ETAA1: variants seen among roughly 807,000 people sequenced by gnomAD.
The protein encoded by ETAA1 is ETAA1 activator of ATR kinase.
A neutral mutation model predicts 76.8 loss-of-function variants in ETAA1; 49 were observed. The ratio of observed to expected loss-of-function variants is 0.64; its 90% CI spans 0.51 to 0.81. The LOEUF (loss-of-function observed/expected upper bound fraction) is 0.81. Among genes scored for constraint, ETAA1 ranks in the 30% least tolerant of loss-of-function variants. ETAA1 has a pLI of 0.00. For missense variants in ETAA1, 1,099 were observed against 1,074.0 expected, an observed-to-expected ratio of 1.02 and a Z score of -0.32; for synonymous variants, 373 against 372.2, an observed-to-expected ratio of 1.00 and a Z score of -0.03.
In ETAA1 at chr2:67,405,158, A is replaced by T. The variant is rs1229805043; in HGVS notation, c.2476A>T (p.Met826Leu). ...VGFSKFTFTR[M>L]KNSQILSQFN... ...ATTTTCAAAGTTTACATTTACAAGGATGAAAAATTCTCAGATTCTTTCTCA... is the reference window on the plus strand; with the variant it reads ...ATTTTCAAAGTTTACATTTACAAGGTTGAAAAATTCTCAGATTCTTTCTCA... Residue 826 changes from methionine to leucine, a missense_variant, in exon 5 of 6, where the codon ATG becomes TTG. Physicochemically the swap from Met to Leu is conservative, Grantham distance 15. Transcript: ENST00000272342. The T allele has an allele frequency of 1.2e-6, 2 of 1,612,400 alleles. No individual in the cohort carries two copies. The highest frequency in any genetic ancestry group is 2.2e-5 in the South Asian group (2 of 90,952).
chr2:67,409,981 G>T lies in ETAA1; in HGVS notation c.2724G>T (p.Arg908=). The T allele has an allele frequency of 6.2e-7, 1 of 1,610,130 alleles. No homozygotes were observed. The highest frequency in any genetic ancestry group is 1.1e-5 in the South Asian group (1 of 90,274). ...GAAAAAGACAAGAAGCACTGGTTCG[G>T]AGAATGGCTAAAGCACGAGCCTCAT... ...IQRKRQEALV[R]RMAKARASSV... The change falls in exon 6 of 6, where the codon CGG becomes CGT. Residue 908 remains arginine, a synonymous_variant. Coordinates refer to ENST00000272342, the MANE Select transcript of ETAA1 (RefSeq NM_019002.4).
chr2:67,405,957 TACA>T (rs560053995), intron 5 of ETAA1, among the ~76,000 whole-genome samples: 5 of 152,220 alleles, frequency 3.3e-5, no homozygotes, highest in South Asian at 2.1e-4. Flanking sequence ...TTTTTCTTTC[TACA>T]ACAAGTTAAC....
rs1490086228 is a variant in ETAA1, at chr2:67,405,366, G to A, written c.2653+31G>A. Reference sequence around the variant, plus strand: ...TATGAAATATGAAATAGTTTTCTTTGAAAAGCATCTTAAAAAGTAGTAAAA... The same window carrying A: ...TATGAAATATGAAATAGTTTTCTTTAAAAAGCATCTTAAAAAGTAGTAAAA... On this transcript the variant is annotated intron_variant, in intron 5 of 5. Coordinates refer to ENST00000272342, the MANE Select transcript of ETAA1 (RefSeq NM_019002.4). 2.1e-6 allele frequency: 3 copies of A among 1,457,584 alleles called. No homozygotes were observed. In the South Asian group the frequency reaches 4.6e-5, roughly 22 times the overall value. The allele number at this position is 1,457,584 out of a possible 1,614,324, so 90.3% of individuals were successfully genotyped here.
chr2:67,398,138 A>G (rs1262829305), intron 1 of ETAA1, among the ~76,000 whole-genome samples: 2 of 152,128 alleles, frequency 1.3e-5, no homozygotes, highest in East Asian at 3.9e-4. Context: ...CCTCATTGTG[A>G]ATAAACCGGA....
chr2:67,401,725 ATAAT>A (rs1676062524), intron 3 of ETAA1: 1 of 151,958 alleles, frequency 6.6e-6, no homozygotes, highest in South Asian at 2.1e-4. Flanking sequence ...GGCAGAGTTC[ATAAT>A]TAAGACTATG....
Position 67,403,924 on chromosome 2 carries a change from G to A in ETAA1, c.1242G>A (p.Lys414=), listed in dbSNP as rs1676127874. The A allele has an allele frequency of 6.2e-7, 1 of 1,611,678 alleles. No homozygotes were observed. Among genetic ancestry groups the A allele is most frequent in the Admixed American group, 1.7e-5 (1 of 59,610 alleles). ...PSKTAHVTDQ[K]EICTFNSKTV... is the part of the protein sequence containing the mutation. ...AAACAGCCCATGTTACTGATCAAAA[G>A]GAAATTTGTACCTTTAATAGTAAAA... The change falls in exon 5 of 6, where the codon AAG becomes AAA. Residue 414 remains lysine (K), a synonymous_variant. Coordinates refer to ENST00000272342, the MANE Select transcript of ETAA1 (RefSeq NM_019002.4).
At chr2:67,409,800 T>G in intron 5 of ETAA1, 111 bp from the exon 6 acceptor site, 1 of 929,998 alleles carries the variant, frequency 1.1e-6, no homozygotes, top group Non-Finnish European at 1.6e-6. Flanking sequence ...TTTGATTTAA[T>G]AGCCAACTAA....
In ETAA1 at chr2:67,404,532, T is replaced by C; in HGVS notation, c.1850T>C (p.Ile617Thr). The change falls in exon 5 of 6, where the codon ATT (isoleucine) becomes ACT (threonine). Residue 617 changes from isoleucine (I) to threonine (T), a missense_variant. Physicochemically the swap from Ile to Thr is moderately conservative, Grantham distance 89. Transcript: ENST00000272342. ...DDLLYQACDD[I>T]ERLTQQQDIR... is the part of the protein sequence containing the mutation. ...TTGTTGTACCAAGCATGTGATGATA[T>C]TGAAAGACTAACTCAGCAACAAGAC... The C allele has an allele frequency of 2.5e-6, 4 of 1,613,390 alleles. No individual in the cohort carries two copies. The highest frequency in any genetic ancestry group is 1.1e-5 in the South Asian group (1 of 91,066).
At chr2:67,399,047 T>C in intron 1 of ETAA1, 122 bp from the exon 2 acceptor site, 2 of 893,384 alleles carry the variant, frequency 2.2e-6, no homozygotes, top group South Asian at 1.9e-5. Flanking sequence ...GGTAATTATC[T>C]CTGGGAAAAA....
At position 67,403,393 on chromosome 2, in the gene ETAA1, G is replaced by A. The variant is rs1342811693; in HGVS notation, c.711G>A (p.Met237Ile). 3 of 1,605,678 alleles carry A rather than the reference G, an allele frequency of 1.9e-6. No homozygotes were observed. Among genetic ancestry groups the A allele is most frequent in the Non-Finnish European group, 1.7e-6 (2 of 1,173,062 alleles). The change falls in exon 5 of 6, where the codon ATG becomes ATA. Residue 237 changes from methionine (M) to isoleucine (I), a missense_variant. Coordinates refer to ENST00000272342, the MANE Select transcript of ETAA1 (RefSeq NM_019002.4). Reference sequence around the variant, plus strand: ...GTAATTATAAAGATAATATACAGATGTGGTCATTACATAATATAGTTCCCG... The same window carrying A: ...GTAATTATAAAGATAATATACAGATATGGTCATTACATAATATAGTTCCCG... ...ILSNYKDNIQMWSLHNIVPEI... is the reference protein window; with the variant it reads ...ILSNYKDNIQIWSLHNIVPEI...
rs1572913073 is a variant in ETAA1, at chr2:67,410,822, G to C, written c.*784G>C. ...GCAAGTTAATGCTGTGCTACAATTA[G>C]AATGATTTATTTGGACACCTAAACA... is the stretch of plus-strand genomic sequence containing the variant. On this transcript the variant is annotated 3_prime_UTR_variant, in exon 6 of 6. Transcript: ENST00000272342. 1 of 152,018 alleles carries C rather than the reference G, an allele frequency of 6.6e-6. No homozygotes were observed. Among genetic ancestry groups the C allele is most frequent in the East Asian group, 1.9e-4 (1 of 5,184 alleles). 9.4% of individuals were successfully genotyped at this position (152,018 alleles called of 1,614,324 possible). A position where few individuals can be genotyped will look rare whatever the true frequency, so the allele number is the denominator to read the frequency against.
chr2:67,410,000 G>A lies in ETAA1; in HGVS notation c.2743G>A (p.Ala915Thr). 1 of 1,609,176 alleles carries A rather than the reference G, an allele frequency of 6.2e-7. No homozygotes were observed. The highest frequency in any genetic ancestry group is 8.5e-7 in the Non-Finnish European group (1 of 1,178,126). The change falls in exon 6 of 6, where the codon GCC becomes ACC. Residue 915 changes from alanine (A) to threonine (T), a missense_variant. Physicochemically the swap from Ala to Thr is moderately conservative, Grantham distance 58. Around this residue, in one of 3 missense-constraint regions of ETAA1, gnomAD observed 302 missense variants for 278.1 expected, o/e 1.09. Coordinates refer to ENST00000272342, the MANE Select transcript of ETAA1 (RefSeq NM_019002.4). ...ALVRRMAKAR[A>T]SSVNAAPTSF... ...GGTTCGGAGAATGGCTAAAGCACGA[G>A]CCTCATCTGTAAATGCAGCTCCCAC...
At chr2:67,398,390 C>T (rs904718852) in intron 1 of ETAA1, among the ~76,000 whole-genome samples, 4 of 147,256 alleles carry the variant, frequency 2.7e-5, no homozygotes, top group Non-Finnish European at 5.9e-5. Context: ...GGCTGCAGTG[C>T]AGTAGCACAA....
intron 1 of ETAA1, among the ~76,000 whole-genome samples, chr2:67,398,635 C>T (rs1414294814): frequency 6.6e-6 from 1 of 152,122 alleles, no homozygotes; most frequent in East Asian, 1.9e-4. Context: ...GGCCACCTTA[C>T]ATGTCTTTAA....
At chr2:67,400,881 T>C (rs965133837) in intron 3 of ETAA1, 3 of 152,200 alleles carry the variant, frequency 2.0e-5, no homozygotes, top group Admixed American at 2.0e-4. Context: ...CTGTTGCTAC[T>C]AGCTCTACAT....
rs1470978925 is a variant in ETAA1, at chr2:67,403,721, G to A, written c.1039G>A (p.Val347Ile). The A allele has an allele frequency of 1.2e-6, 2 of 1,613,396 alleles. No homozygotes were observed. The highest frequency in any genetic ancestry group is 4.5e-5 in the East Asian group (2 of 44,860). Reference sequence around the variant, plus strand: ...AACCCCACGATCACTTTCTTCTCAAGTAGATACACCCATAATGACAAAATC... The same window carrying A: ...AACCCCACGATCACTTTCTTCTCAAATAGATACACCCATAATGACAAAATC... ...NKTPRSLSSQ[V>I]DTPIMTKSCV... The change falls in exon 5 of 6, where the codon GTA (valine) becomes ATA (isoleucine). Residue 347 changes from valine to isoleucine, a missense_variant. Coordinates refer to ENST00000272342, the MANE Select transcript of ETAA1 (RefSeq NM_019002.4).
intron 1 of ETAA1, among the ~76,000 whole-genome samples, chr2:67,397,904 A>T (rs1198741028): frequency 1.3e-5 from 2 of 152,174 alleles, no homozygotes; most frequent in Non-Finnish European, 2.9e-5. Flanking sequence ...CCACAGGAAT[A>T]GGTAATGTGG....
In ETAA1 at chr2:67,405,280, T is replaced by C; in HGVS notation, c.2598T>C (p.Ala866=). ...GTGTCAACCCATTACTGGAGGAAGC[T>C]GTTGGACAGCAATCTTTGGTGAAAC... The part of the protein sequence containing the change: ...KKGVNPLLEE[A]VGQQSLVKLS... The change falls in exon 5 of 6, where the codon GCT becomes GCC. Residue 866 remains alanine, a synonymous_variant. Transcript: ENST00000272342. 1 of 1,580,544 alleles carries C rather than the reference T, an allele frequency of 6.3e-7. No homozygotes were observed. Among genetic ancestry groups the C allele is most frequent in the Non-Finnish European group, 8.6e-7 (1 of 1,166,422 alleles).
In ETAA1 at chr2:67,410,633, C is replaced by G. The variant is rs1056259864; in HGVS notation, c.*595C>G. 2.6e-5 allele frequency: 4 copies of G among 151,898 alleles called. No individual in the cohort carries two copies. Among genetic ancestry groups the G allele is most frequent in the Non-Finnish European group, 5.9e-5 (4 of 67,936 alleles). The allele number at this position is 151,898 out of a possible 1,614,324, so 9.4% of individuals were successfully genotyped here. On this transcript the variant is annotated 3_prime_UTR_variant, in exon 6 of 6. Transcript: ENST00000272342. ...AAACTTTCCACCATATTTAGGAAAA[C>G]TTTGATTTTAGAAGTCTAACATAGA...
Sources: gnomAD v4.1 joint callset for allele counts (sites outside exome capture counted in the v4.1 genomes callset) on GRCh38, gnomAD v4.1.1 for gene constraint, gnomAD v4.1.1 regional missense constraint, MANE v1.5 for transcripts, NCBI Gene and HGNC (gene_info 2026-07-23, HGNC 2026-07-21) for gene names.